PCDHA10: variants seen among roughly 807,000 people sequenced by gnomAD.
PCDHA10 encodes protocadherin alpha 10.
In PCDHA10, 45 loss-of-function variants were observed where a neutral mutation model predicts 61.2. That is an observed-to-expected ratio of 0.74 (90% CI 0.58 to 0.94). PCDHA10 has a LOEUF of 0.94. PCDHA10 is among the 40% of genes least tolerant of loss of function. The pLI, the probability that PCDHA10 is intolerant of heterozygous loss-of-function variation, is 0.00. For missense variants in PCDHA10, 1,278 were observed against 1,236.2 expected, an observed-to-expected ratio of 1.03 and a Z score of -0.51; for synonymous variants, 602 against 548.8, an observed-to-expected ratio of 1.10 and a Z score of -1.35.
Position 140,856,911 on chromosome 5 carries a change from T to A in PCDHA10, c.863T>A (p.Ile288Lys). The change falls in exon 1 of 4, where the codon ATA (isoleucine) becomes AAA (lysine). Residue 288 changes from isoleucine to lysine, a missense_variant. Ile to Lys is a moderately radical substitution (Grantham distance 102). Transcript: ENST00000307360. ...TTTAGCTCTTTGGTCCCACCCACGA[T>A]AAGAAGGAAATTTTGGATAAACGAA... is the stretch of plus-strand genomic sequence containing the variant. ...YSFSSLVPPT[I>K]RRKFWINERT... 2 of 1,595,928 alleles carry A rather than the reference T, an allele frequency of 1.3e-6. No individual in the cohort carries two copies. The highest frequency in any genetic ancestry group is 2.2e-5 in the East Asian group (1 of 44,854).
Position 140,857,501 on chromosome 5 carries a change from G to A in PCDHA10, c.1453G>A (p.Glu485Lys). 6.3e-7 allele frequency: 1 copy of A among 1,598,358 alleles called. No individual in the cohort carries two copies. The highest frequency in any genetic ancestry group is 8.6e-7 in the Non-Finnish European group (1 of 1,167,866). ...GTCTGCGTGGGACGCGGACGCGCAG[G>A]AGAACGCCCTGGTGTCCTACTCTCT... ...TVSAWDADAQ[E>K]NALVSYSLVE... is the part of the protein sequence containing the mutation. The change falls in exon 1 of 4, where the codon GAG (glutamate) becomes AAG (lysine). Residue 485 changes from glutamate (E) to lysine (K), a missense_variant. Coordinates refer to ENST00000307360, the MANE Select transcript of PCDHA10 (RefSeq NM_018901.4).
intron 1 of PCDHA10, chr5:140,928,773 T>A: frequency 6.2e-7 from 1 of 1,614,164 alleles, no homozygotes; most frequent in Non-Finnish European, 8.5e-7. Context: ...TTCTTCCCAC[T>A]GATGCAGTTA....
At chr5:140,878,264 T>G (rs577205816) in intron 1 of PCDHA10, among the ~76,000 whole-genome samples, 83 of 152,314 alleles carry the variant, frequency 5.4e-4, no homozygotes, top group African/African-American at 1.9e-3. Flanking sequence ...TGCTTAGGCT[T>G]TTAAAATAGC....
chr5:140,929,324 T>A (rs781810168), intron 1 of PCDHA10: 1 of 1,540,130 alleles, frequency 6.5e-7, no homozygotes, highest in African/African-American at 1.4e-5. Flanking sequence ...GTCAATGCCA[T>A]GGTAAGCAAA....
chr5:140,859,774 G>C (rs1214476805), intron 1 of PCDHA10: 1 of 152,534 alleles, frequency 6.6e-6, no homozygotes, highest in Non-Finnish European at 1.5e-5. Flanking sequence ...TCCATGCCCT[G>C]TCTCCAGCTC....
chr5:140,946,782 C>T (rs1225488337), intron 1 of PCDHA10, among the ~76,000 whole-genome samples: 1 of 151,104 alleles, frequency 6.6e-6, no homozygotes, highest in African/African-American at 2.4e-5. Flanking sequence ...TGTAAAAAAG[C>T]TGATCTTATA....
At chr5:140,956,297 G>A (rs1449094533) in intron 1 of PCDHA10, among the ~76,000 whole-genome samples, 1 of 151,928 alleles carries the variant, frequency 6.6e-6, no homozygotes, top group African/African-American at 2.4e-5. Context: ...TCATATATAT[G>A]GCTCTTATTA....
rs557901977 is a variant in PCDHA10 at position 140,876,312 on chromosome 5, G to A, written c.2388+17876G>A. 4.3e-6 allele frequency: 7 copies of A among 1,614,036 alleles called. No individual in the cohort carries two copies. In the East Asian group the frequency reaches 1.6e-4, roughly 36 times the overall value. On this transcript the variant is annotated intron_variant, in intron 1 of 3. Coordinates refer to ENST00000307360, the MANE Select transcript of PCDHA10 (RefSeq NM_018901.4). ...GACTTAATGGAGAAATTTCCTATGG[G>A]ATCAAAATGATTTTGCCAGTGAGTG...
Position 141,004,377 on chromosome 5 carries a change from C to T in PCDHA10, c.2537-5250C>T, listed in dbSNP as rs567018582. Among the ~76,000 whole-genome samples the T allele has an allele frequency of 3.9e-5, 6 of 152,294 alleles. No homozygotes were observed. The South Asian group carries it at 6.2e-4, about 16-fold the overall frequency. ...AGAGACCACACCTTGTTCTGCTCTG[C>T]GGAAGCTGGACATGTGGAGGAGGCA... On this transcript the variant is annotated intron_variant, in intron 3 of 3. Coordinates refer to ENST00000307360, the MANE Select transcript of PCDHA10 (RefSeq NM_018901.4).
At chr5:140,871,802 T>G (rs2053316499) in intron 1 of PCDHA10, among the ~76,000 whole-genome samples, 1 of 152,178 alleles carries the variant, frequency 6.6e-6, no homozygotes, top group South Asian at 2.1e-4. Context: ...TAATTACTAT[T>G]TTCACTAAAG....
At chr5:140,883,291 A>T (rs1554177505) in intron 1 of PCDHA10, 1 of 1,614,118 alleles carries the variant, frequency 6.2e-7, no homozygotes, top group South Asian at 1.1e-5. Flanking sequence ...TGGAAGTACT[A>T]GATGTAAATG....
rs191251073 is a variant in PCDHA10, at chr5:140,928,748, G to A, written c.2389-50201G>A. 503 of 1,614,114 alleles carry A rather than the reference G, an allele frequency of 3.1e-4. 5 individuals carry two copies. The East Asian group carries it at 1.0e-2, about 32-fold the overall frequency. Reference sequence around the variant, plus strand: ...ATTTCAGCCAATATAGGTGAGCTCCGTACTGCTCGCTTAGTTCTTCCCACT... The same window carrying A: ...ATTTCAGCCAATATAGGTGAGCTCCATACTGCTCGCTTAGTTCTTCCCACT... On this transcript the variant is annotated intron_variant, in intron 1 of 3. Transcript: ENST00000307360.
chr5:140,965,283 A>G (rs1342044804), intron 1 of PCDHA10, among the ~76,000 whole-genome samples: 1 of 152,200 alleles, frequency 6.6e-6, no homozygotes, highest in Non-Finnish European at 1.5e-5. Context: ...CACAGCATGG[A>G]AAGATTTCCT....
At chr5:140,910,719 C>T (rs527945930) in intron 1 of PCDHA10, among the ~76,000 whole-genome samples, 44 of 152,216 alleles carry the variant, frequency 2.9e-4, no homozygotes, top group African/African-American at 1.0e-3. Context: ...TCTTTTAATC[C>T]ATATTTCAGC....
chr5:140,881,453 C>T (rs554262236), intron 1 of PCDHA10: 48 of 714,052 alleles, frequency 6.7e-5, no homozygotes, highest in Admixed American at 6.2e-5. Context: ...GAATCCAAAA[C>T]CTTAGAGCAT....
chr5:140,902,211 T>C (rs1256912603), intron 1 of PCDHA10, among the ~76,000 whole-genome samples: 4 of 150,332 alleles, frequency 2.7e-5, no homozygotes, highest in African/African-American at 9.8e-5. Context: ...TTCTTTTTTT[T>C]TTTTTTTTTT....
chr5:140,857,717 G>C lies in PCDHA10; in HGVS notation c.1669G>C (p.Glu557Gln), dbSNP rs782771327. Residue 557 changes from glutamate (E) to glutamine (Q), a missense_variant, in exon 1 of 4, where the codon GAG (glutamate) becomes CAG (glutamine). Physicochemically the swap from Glu to Gln is conservative, Grantham distance 29. Coordinates refer to ENST00000307360, the MANE Select transcript of PCDHA10 (RefSeq NM_018901.4). ...NLTLQVFVLD[E>Q]NDNAPALLAS... ...GACGCTGCAGGTGTTCGTGCTGGAC[G>C]AGAACGACAACGCTCCCGCGCTGCT... 1 of 1,597,518 alleles carries C rather than the reference G, an allele frequency of 6.3e-7. No individual in the cohort carries two copies. The highest frequency in any genetic ancestry group is 1.3e-5 in the African/African-American group (1 of 74,414).
intron 1 of PCDHA10, chr5:140,883,869 A>G: frequency 6.2e-7 from 1 of 1,613,112 alleles, no homozygotes; most frequent in South Asian, 1.1e-5. Context: ...TTGCAGTTCC[A>G]GGTGAGCGCG....
At chr5:140,918,510 A>G (rs1224635164) in intron 1 of PCDHA10, among the ~76,000 whole-genome samples, 1 of 152,144 alleles carries the variant, frequency 6.6e-6, no homozygotes, top group Non-Finnish European at 1.5e-5. Flanking sequence ...ATCCTTTTAA[A>G]CTTATTGAGG....
Sources: gnomAD v4.1 joint callset for allele counts (sites outside exome capture counted in the v4.1 genomes callset) on GRCh38, gnomAD v4.1.1 for gene constraint, MANE v1.5 for transcripts, NCBI Gene and HGNC (gene_info 2026-07-23, HGNC 2026-07-21) for gene names.